FAM149B1: variants seen among roughly 807,000 people sequenced by gnomAD.
FAM149B1 encodes primary cilium assembly protein FAM149B1.
A neutral mutation model predicts 75.3 loss-of-function variants in FAM149B1; 56 were observed. The ratio of observed to expected loss-of-function variants is 0.74; its 90% CI spans 0.60 to 0.93. The LOEUF is 0.93. Ranked by LOEUF, FAM149B1 falls within the 40% of genes least tolerant of loss-of-function variation. The pLI is 0.00. For missense variants in FAM149B1, 639 were observed against 708.4 expected, an observed-to-expected ratio of 0.90 and a Z score of 1.11; for synonymous variants, 259 against 256.1, an observed-to-expected ratio of 1.01 and a Z score of -0.11.
chr10:73,191,216 T>A (rs1361691642), intron 3 of FAM149B1, among the ~76,000 whole-genome samples: 1 of 150,788 alleles, frequency 6.6e-6, no homozygotes, highest in East Asian at 2.0e-4. Flanking sequence ...AATTTTGTAT[T>A]TTTAGTACAG....
intron 5 of FAM149B1, among the ~76,000 whole-genome samples, chr10:73,201,931 G>T (rs1392527445): frequency 6.6e-6 from 1 of 152,144 alleles, no homozygotes; most frequent in Non-Finnish European, 1.5e-5. Flanking sequence ...TTGGGAGGGT[G>T]AGATGGGCAG....
At chr10:73,203,112 T>C (rs2042978437) in intron 5 of FAM149B1, among the ~76,000 whole-genome samples, 1 of 152,212 alleles carries the variant, frequency 6.6e-6, no homozygotes, top group Non-Finnish European at 1.5e-5. Flanking sequence ...CGGTGTTTTT[T>C]CTGAAGTTTT....
chr10:73,236,579 A>T lies in FAM149B1; in HGVS notation c.1602+1261A>T, dbSNP rs187712019. Among the ~76,000 whole-genome samples the T allele has an allele frequency of 5.1e-4, 78 of 151,730 alleles. 1 individual carries two copies. Among genetic ancestry groups the T allele is most frequent in the African/African-American group, 1.6e-3 (67 of 41,362 alleles). On this transcript the variant is annotated intron_variant, in intron 12 of 13. Transcript: ENST00000242505. The stretch of plus-strand genomic sequence containing the variant: ...CAGGTGCCTGCCACCACGCCCAGCT[A>T]ATTTTTGTAATTTTACTAGAGATGG...
intron 9 of FAM149B1, 160 bp downstream of exon 9, chr10:73,230,685 C>T: frequency 1.8e-6 from 1 of 560,524 alleles, no homozygotes; most frequent in Non-Finnish European, 3.2e-6. Context: ...CATCAGGGGG[C>T]TGATAATGTA....
chr10:73,207,038 G>A (rs1295217600), intron 5 of FAM149B1, among the ~76,000 whole-genome samples: 1 of 152,264 alleles, frequency 6.6e-6, no homozygotes, highest in Non-Finnish European at 1.5e-5. Flanking sequence ...GGCACTATCT[G>A]TGTAGATTTC....
intron 13 of FAM149B1, among the ~76,000 whole-genome samples, chr10:73,240,016 C>T (rs140534893): frequency 7.2e-5 from 11 of 152,252 alleles, no homozygotes; most frequent in South Asian, 6.2e-4. Context: ...CCTCGAACTC[C>T]GGGGCTCAAG....
chr10:73,200,919 C>T (rs1037576676), intron 5 of FAM149B1: 9 of 469,850 alleles, frequency 1.9e-5, no homozygotes, highest in African/African-American at 1.2e-4. Flanking sequence ...CTCTGCATGG[C>T]GACATGGACC....
intron 9 of FAM149B1, among the ~76,000 whole-genome samples, chr10:73,232,567 T>C (rs2043730642): frequency 6.6e-6 from 1 of 152,204 alleles, no homozygotes; most frequent in South Asian, 2.1e-4. Flanking sequence ...AAAGAATGCC[T>C]CAAACAGAGT....
At chr10:73,188,846 A>C (rs1165390092) in intron 3 of FAM149B1, among the ~76,000 whole-genome samples, 1 of 151,942 alleles carries the variant, frequency 6.6e-6, no homozygotes, top group African/African-American at 2.4e-5. Flanking sequence ...GAATATTTCC[A>C]ATATCTGACT....
chr10:73,199,535 T>A (rs2042886028), intron 5 of FAM149B1, among the ~76,000 whole-genome samples: 1 of 151,958 alleles, frequency 6.6e-6, no homozygotes, highest in Non-Finnish European at 1.5e-5. Flanking sequence ...TTATTCTTTT[T>A]ATTTGGTTGT....
chr10:73,195,332 T>C (rs2042777691), intron 5 of FAM149B1, among the ~76,000 whole-genome samples: 1 of 152,196 alleles, frequency 6.6e-6, no homozygotes, highest in South Asian at 2.1e-4. Flanking sequence ...TTGCTATTCC[T>C]GAAGTGATTT....
chr10:73,240,622 G>A (rs1248091377), intron 13 of FAM149B1, among the ~76,000 whole-genome samples: 1 of 151,394 alleles, frequency 6.6e-6, no homozygotes, highest in Non-Finnish European at 1.5e-5. Context: ...TGAGGCAGGA[G>A]AATGAGGTGA....
At chr10:73,213,463 T>C (rs2043234573) in intron 7 of FAM149B1, among the ~76,000 whole-genome samples, 1 of 152,216 alleles carries the variant, frequency 6.6e-6, no homozygotes, top group Admixed American at 6.5e-5. Context: ...TTTCAGGTCT[T>C]GGGTTTAAGT....
chr10:73,235,244 A>G lies in FAM149B1; in HGVS notation c.1528A>G (p.Asn510Asp). The G allele has an allele frequency of 6.4e-7, 1 of 1,551,808 alleles. No individual in the cohort carries two copies. The highest frequency in any genetic ancestry group is 8.7e-7 in the Non-Finnish European group (1 of 1,146,998). The change falls in exon 12 of 14, where the codon AAC (asparagine) becomes GAC (aspartate). Residue 510 changes from asparagine (N) to aspartate (D), a missense_variant. By Grantham distance (23) the Asn-to-Asp change is conservative. Transcript: ENST00000242505. ...RAQSAVVDEP[N>D]YQQPQERLLL... is the part of the protein sequence containing the mutation. Reference sequence around the variant, plus strand: ...TCAAAGTGCGGTGGTGGATGAACCTAACTATCAGCAGCCACAAGAAAGGCT... The same window carrying G: ...TCAAAGTGCGGTGGTGGATGAACCTGACTATCAGCAGCCACAAGAAAGGCT...
chr10:73,221,756 G>A (rs1416959930), intron 7 of FAM149B1, among the ~76,000 whole-genome samples: 2 of 152,006 alleles, frequency 1.3e-5, no homozygotes, highest in Admixed American at 6.5e-5. Context: ...CAGGACTTTG[G>A]TCACTCATAA....
intron 7 of FAM149B1, among the ~76,000 whole-genome samples, chr10:73,217,340 C>T (rs575418224): frequency 6.6e-6 from 1 of 152,294 alleles, no homozygotes; most frequent in Non-Finnish European, 1.5e-5. Flanking sequence ...TAGTTAGATA[C>T]ACATTTCACT....
At chr10:73,228,285 T>A in intron 8 of FAM149B1, 101 bp downstream of exon 8, 1 of 945,048 alleles carries the variant, frequency 1.1e-6, no homozygotes, top group Middle Eastern at 2.1e-4. Context: ...TGACTCAATA[T>A]GTTTTAGTAC....
In FAM149B1 at chr10:73,211,559, G is replaced by A. The variant is rs148653687; in HGVS notation, c.898+1121G>A. Reference sequence around the variant, plus strand: ...TCAGATCATAGTGGGTCTGACTTATGTTTGTATTTCCCACAAAAACTAACA... The same window carrying A: ...TCAGATCATAGTGGGTCTGACTTATATTTGTATTTCCCACAAAAACTAACA... On this transcript the variant is annotated intron_variant, in intron 7 of 13. Transcript: ENST00000242505. 2.2e-3 allele frequency among the ~76,000 whole-genome samples: 329 copies of A among 152,272 alleles called. 3 individuals are homozygous for A. Among genetic ancestry groups the A allele is most frequent in the African/African-American group, 7.4e-3 (308 of 41,554 alleles).
chr10:73,207,953 T>C (rs890112644), intron 5 of FAM149B1, among the ~76,000 whole-genome samples: 1 of 152,240 alleles, frequency 6.6e-6, no homozygotes, highest in African/African-American at 2.4e-5. Context: ...TCAAGACTTT[T>C]GAGACTTTTT....
Sources: allele counts gnomAD v4.1 joint callset (sites outside exome capture counted in the v4.1 genomes callset), GRCh38; gene constraint gnomAD v4.1.1; transcripts MANE v1.5; gene names NCBI Gene and HGNC (gene_info 2026-07-23, HGNC 2026-07-21).